Variants in LYST observed in about 807,000 individuals in gnomAD.
LYST encodes the protein lysosomal trafficking regulator, also known as lysosomal-trafficking regulator.
In LYST, 192 loss-of-function variants were observed where a neutral mutation model predicts 413.6. The ratio of observed to expected loss-of-function variants is 0.46; its 90% CI spans 0.41 to 0.52. The LOEUF (loss-of-function observed/expected upper bound fraction) is 0.52. Ranked by LOEUF, LYST falls within the 20% of genes least tolerant of loss-of-function variation. The pLI is 0.00. For synonymous variants in LYST, 1,525 were observed against 1,567.3 expected, an observed-to-expected ratio of 0.97 and a Z score of 0.64; for missense variants, 3,815 against 4,499.9, an observed-to-expected ratio of 0.85 and a Z score of 4.35.
intron 50 of LYST, among the ~76,000 whole-genome samples, chr1:235,668,677 AG>A (rs1658693485): frequency 6.6e-6 from 1 of 152,254 alleles, no homozygotes; most frequent in Admixed American, 6.5e-5. Flanking sequence ...CAACTCCCTC[AG>A]GATCAGTCCT....
At chr1:235,672,067 T>C (rs1658987114) in intron 50 of LYST, among the ~76,000 whole-genome samples, 1 of 152,144 alleles carries the variant, frequency 6.6e-6, no homozygotes, top group Admixed American at 6.5e-5. Context: ...GAGTAAAGGA[T>C]GACTCAGGTT....
chr1:235,692,320 G>A (rs935027818), intron 47 of LYST, among the ~76,000 whole-genome samples: 24 of 151,884 alleles, frequency 1.6e-4, no homozygotes, highest in African/African-American at 5.3e-4. Flanking sequence ...GCGATGGAGC[G>A]AGACTTCATC....
intron 1 of LYST, among the ~76,000 whole-genome samples, chr1:235,865,330 TCCCTCTTCCGTGC>T (rs1447605635): frequency 1.5e-5 from 2 of 135,306 alleles, no homozygotes; most frequent in African/African-American, 7.8e-5. Flanking sequence ...TTCCCTGCCC[TCCCTCTTCCGTGC>T]TTTTTCTCTG....
At chr1:235,820,535 G>T (rs948156285) in intron 3 of LYST, among the ~76,000 whole-genome samples, 4 of 151,844 alleles carry the variant, frequency 2.6e-5, no homozygotes, top group Non-Finnish European at 5.9e-5. Flanking sequence ...ACACCTGGTT[G>T]ATTTTTGTAT....
At position 235,767,810 on chromosome 1, in the gene LYST, T is replaced by G. The variant is rs191537911; in HGVS notation, c.5923-1533A>C. On this transcript the variant is annotated intron_variant, in intron 20 of 52. Transcript: ENST00000389793. ...TGCCTTATCCATGCTATTGAAATCTTGTAAGTCATTAAGAATTTCTGAGTC... is the reference window on the plus strand; with the variant it reads ...TGCCTTATCCATGCTATTGAAATCTGGTAAGTCATTAAGAATTTCTGAGTC... Among the ~76,000 whole-genome samples, 83 of 152,234 alleles carry G rather than the reference T, an allele frequency of 5.5e-4. 1 individual carries two copies. The highest frequency in any genetic ancestry group is 1.0e-3 in the Non-Finnish European group (71 of 67,952).
At position 235,757,352 on chromosome 1, in the gene LYST, G is replaced by A. The variant is rs1364859166; in HGVS notation, c.6988C>T (p.Leu2330Phe). 1 of 1,613,392 alleles carries A rather than the reference G, an allele frequency of 6.2e-7. No individual in the cohort carries two copies. The highest frequency in any genetic ancestry group is 1.3e-5 in the African/African-American group (1 of 74,798). ...DVLLEDVMDK[L>F]IQADTLLVLV... ...ACCAAAAGTGTATCTGCTTGAATAA[G>A]CTTGTCCATCACATCTTCAAGCAAA... The change falls in exon 24 of 53, where the codon CTT becomes TTT. Residue 2330 changes from leucine to phenylalanine, a missense_variant. Around this residue, in one of 4 missense-constraint regions of LYST, gnomAD observed 771 missense variants for 837.1 expected, o/e 0.92. Transcript: ENST00000389793.
chr1:235,698,063 A>G (rs1171025701), intron 45 of LYST, among the ~76,000 whole-genome samples: 1 of 152,162 alleles, frequency 6.6e-6, no homozygotes, highest in Non-Finnish European at 1.5e-5. Flanking sequence ...CCTTTTAAAG[A>G]GTTTCCCCAA....
At chr1:235,730,804 T>C in intron 36 of LYST, 43 bp downstream of exon 36, 1 of 1,111,886 alleles carries the variant, frequency 9.0e-7, no homozygotes, top group Non-Finnish European at 1.4e-6. Flanking sequence ...AATAAGCTGT[T>C]GTATATTCAT....
In LYST at chr1:235,677,213, G is replaced by T. The variant is rs749926904; in HGVS notation, c.10941-25C>A. ...CCTGAAAGAAAAAAGACATGAATTT[G>T]TATATGATCATTAAATATAATTACA... On this transcript the variant is annotated intron_variant, in intron 49 of 52. Transcript: ENST00000389793. The T allele has an allele frequency of 7.4e-6, 11 of 1,484,270 alleles. No individual in the cohort carries two copies. In the South Asian group the frequency reaches 1.0e-4, roughly 14 times the overall value. The allele number at this position is 1,484,270 out of a possible 1,614,324, so 91.9% of individuals were successfully genotyped here.
At chr1:235,825,798 A>G (rs1675263135) in intron 3 of LYST, among the ~76,000 whole-genome samples, 1 of 152,194 alleles carries the variant, frequency 6.6e-6, no homozygotes, top group African/African-American at 2.4e-5. Flanking sequence ...ATGAAATCCT[A>G]GTGTGCATTT....
chr1:235,763,511 T>C (rs1667803870), intron 21 of LYST, among the ~76,000 whole-genome samples: 3 of 152,182 alleles, frequency 2.0e-5, no homozygotes, highest in African/African-American at 7.2e-5. Flanking sequence ...AGTATGGTGG[T>C]GTGATCTTTG....
At chr1:235,878,800 GA>G (rs1681247449) in intron 1 of LYST, among the ~76,000 whole-genome samples, 1 of 152,188 alleles carries the variant, frequency 6.6e-6, no homozygotes, top group African/African-American at 2.4e-5. Context: ...CTAATTGTTG[GA>G]AACCTGGCTT....
chr1:235,737,916 A>ACAGATTGG, intron 31 of LYST: 1 of 1,163,406 alleles, frequency 8.6e-7, no homozygotes, highest in South Asian at 3.9e-5. Context: ...GCTGCCGACG[A>ACAGATTGG]GTCTGGATCT....
chr1:235,709,661 T>C (rs1662245585), intron 43 of LYST, among the ~76,000 whole-genome samples: 1 of 150,278 alleles, frequency 6.7e-6, no homozygotes, highest in Non-Finnish European at 1.5e-5. Context: ...TCTATTCAAT[T>C]GTAAACCTGA....
At chr1:235,748,784 C>T (rs138492734) in intron 28 of LYST, among the ~76,000 whole-genome samples, 1,680 of 152,264 alleles carry the variant, frequency 0.011, 16 homozygotes, top group Non-Finnish European at 0.017. Context: ...GATGTAATGA[C>T]GGTACTGCTG....
intron 12 of LYST, among the ~76,000 whole-genome samples, chr1:235,790,211 G>A (rs1670846729): frequency 6.6e-6 from 1 of 152,102 alleles, no homozygotes; most frequent in South Asian, 2.1e-4. Flanking sequence ...CATTGAGATT[G>A]CCTCCATTAA....
chr1:235,734,677 A>T lies in LYST; in HGVS notation c.8359-18T>A. 2 of 1,545,278 alleles carry T rather than the reference A, an allele frequency of 1.3e-6. No homozygotes were observed. Among genetic ancestry groups the T allele is most frequent in the Non-Finnish European group, 8.9e-7 (1 of 1,123,404 alleles). On this transcript the variant is annotated intron_variant, in intron 31 of 52. Transcript: ENST00000389793. ...GCTCCATGCTTTAAAAAAAGTAATA[A>T]TTTTTTAGTCATTTAGAATTTTAAT... is the stretch of plus-strand genomic sequence containing the variant.
intron 10 of LYST, among the ~76,000 whole-genome samples, chr1:235,799,591 T>C (rs1484823110): frequency 1.3e-5 from 2 of 152,236 alleles, no homozygotes; most frequent in African/African-American, 4.8e-5. Context: ...AAGTCTCGTG[T>C]AGGCTAGCCT....
At chr1:235,815,508 G>A (rs2102918607) in intron 3 of LYST, among the ~76,000 whole-genome samples, 1 of 152,258 alleles carries the variant, frequency 6.6e-6, no homozygotes, top group East Asian at 1.9e-4. Flanking sequence ...TATATGAAGT[G>A]CTGGGAATGG....
Sources: gnomAD v4.1 joint callset for allele counts (sites outside exome capture counted in the v4.1 genomes callset) on GRCh38, gnomAD v4.1.1 for gene constraint, gnomAD v4.1.1 regional missense constraint, MANE v1.5 for transcripts, NCBI Gene and HGNC (gene_info 2026-07-23, HGNC 2026-07-21) for gene names.